The following ERC2 variants were observed in gnomAD, a reference collection of about 807,000 sequenced individuals.
ERC2 encodes the protein ELKS/RAB6-interacting/CAST family member 2.
Under a neutral mutation model 114.8 loss-of-function variants are expected in ERC2, and 42 were observed. That is an observed-to-expected ratio of 0.37 (90% CI 0.29 to 0.47). The LOEUF (loss-of-function observed/expected upper bound fraction) is 0.47. Ranked by LOEUF, ERC2 falls within the 20% of genes least tolerant of loss-of-function variation. The probability of loss-of-function intolerance (pLI) is 0.99; values close to 1 mark genes in which losing one functional copy is unlikely to be tolerated. For synonymous variants in ERC2, 454 were observed against 425.5 expected, an observed-to-expected ratio of 1.07 and a Z score of -0.82; for missense variants, 939 against 1,150.7, an observed-to-expected ratio of 0.82 and a Z score of 2.66.
intron 15 of ERC2, among the ~76,000 whole-genome samples, chr3:55,724,653 CTG>C (rs1473706210): frequency 6.6e-6 from 1 of 152,294 alleles, no homozygotes; most frequent in African/African-American, 2.4e-5. Flanking sequence ...AGCTCAAAAA[CTG>C]TTGGTTCCTC....
chr3:56,150,895 A>G (rs987921034), intron 4 of ERC2, among the ~76,000 whole-genome samples: 1 of 152,104 alleles, frequency 6.6e-6, no homozygotes, highest in Non-Finnish European at 1.5e-5. Context: ...AGATGAGGCT[A>G]GGAGAGTAGG....
chr3:56,287,162 C>T (rs2054776386), intron 3 of ERC2, among the ~76,000 whole-genome samples: 1 of 152,130 alleles, frequency 6.6e-6, no homozygotes, highest in Admixed American at 6.5e-5. Flanking sequence ...CAATGAAATG[C>T]ACATGTCTTA....
chr3:56,207,291 A>ACC (rs895639996), intron 3 of ERC2, among the ~76,000 whole-genome samples: 3 of 152,188 alleles, frequency 2.0e-5, no homozygotes, highest in Non-Finnish European at 4.4e-5. Flanking sequence ...AATTAAAAAA[A>ACC]CACACAATAG....
At chr3:56,167,085 T>C (rs953103050) in intron 4 of ERC2, among the ~76,000 whole-genome samples, 2 of 152,126 alleles carry the variant, frequency 1.3e-5, no homozygotes, top group Non-Finnish European at 1.5e-5. Flanking sequence ...CATATTCCCC[T>C]TTACCAAAAT....
intron 3 of ERC2, among the ~76,000 whole-genome samples, chr3:56,179,499 A>C (rs1216508650): frequency 2.0e-5 from 3 of 152,204 alleles, no homozygotes; most frequent in African/African-American, 7.2e-5. Context: ...GGACAGACCC[A>C]TCAGAGCTAG....
intron 16 of ERC2, among the ~76,000 whole-genome samples, chr3:55,694,641 C>T (rs2062837029): frequency 6.6e-6 from 1 of 152,216 alleles, no homozygotes. Context: ...GAAGAGTTTT[C>T]TCTTGGGCTT....
chr3:56,074,778 G>C (rs894928656), intron 7 of ERC2, among the ~76,000 whole-genome samples: 13 of 152,150 alleles, frequency 8.5e-5, no homozygotes. Context: ...AGCCTACACA[G>C]AACATACCGT....
At chr3:55,619,759 C>G (rs1179538082) in intron 17 of ERC2, among the ~76,000 whole-genome samples, 3 of 152,132 alleles carry the variant, frequency 2.0e-5, no homozygotes, top group African/African-American at 7.2e-5. Context: ...TAAAAGTGTT[C>G]CTACATTGCT....
At chr3:56,357,954 C>A (rs924688306) in intron 2 of ERC2, among the ~76,000 whole-genome samples, 2 of 151,660 alleles carry the variant, frequency 1.3e-5, no homozygotes, top group African/African-American at 4.8e-5. Flanking sequence ...ATAATGTTTC[C>A]TTTTCCACCA....
At chr3:56,049,209 G>A (rs1379709446) in intron 7 of ERC2, among the ~76,000 whole-genome samples, 1 of 152,170 alleles carries the variant, frequency 6.6e-6, no homozygotes, top group Non-Finnish European at 1.5e-5. Flanking sequence ...ACAAAGATGA[G>A]GCTGGCTGCT....
At chr3:56,375,026 G>C (rs944293901) in intron 2 of ERC2, among the ~76,000 whole-genome samples, 1 of 152,164 alleles carries the variant, frequency 6.6e-6, no homozygotes, top group African/African-American at 2.4e-5. Context: ...ATGGATGAGA[G>C]CAGCCATCCC....
intron 6 of ERC2, among the ~76,000 whole-genome samples, chr3:56,081,884 C>T (rs2077251778): frequency 1.3e-5 from 2 of 152,024 alleles, no homozygotes. Flanking sequence ...TATACAACAC[C>T]ATATTTGCAA....
intron 2 of ERC2, among the ~76,000 whole-genome samples, chr3:56,299,416 C>T (rs1262390812): frequency 1.3e-5 from 2 of 149,464 alleles, no homozygotes; most frequent in Admixed American, 1.3e-4. Context: ...GCGTGAGCCA[C>T]CACGCCCAGC....
chr3:55,571,074 G>A (rs945850778), intron 17 of ERC2, among the ~76,000 whole-genome samples: 6 of 138,794 alleles, frequency 4.3e-5, no homozygotes, highest in Non-Finnish European at 9.3e-5. Context: ...GTTGCAGTAA[G>A]CCGAGATTGT....
At chr3:56,371,508 T>C (rs555825285) in intron 2 of ERC2, among the ~76,000 whole-genome samples, 18 of 152,368 alleles carry the variant, frequency 1.2e-4, no homozygotes, top group Middle Eastern at 3.4e-3. Flanking sequence ...TCTGAATCAA[T>C]AACCTCTGTT....
At chr3:55,525,660 G>A (rs1329212211) in intron 17 of ERC2, among the ~76,000 whole-genome samples, 2 of 152,194 alleles carry the variant, frequency 1.3e-5, no homozygotes, top group South Asian at 2.1e-4. Context: ...GGAATGGGAA[G>A]GGGGGAGTAG....
At chr3:55,951,910 AC>A (rs1380893831) in intron 12 of ERC2, among the ~76,000 whole-genome samples, 2 of 151,578 alleles carry the variant, frequency 1.3e-5, no homozygotes, top group Admixed American at 6.6e-5. Flanking sequence ...TAAATTATGT[AC>A]CCCCCTACTC....
At chr3:56,183,897 C>A (rs573340053) in intron 3 of ERC2, among the ~76,000 whole-genome samples, 42 of 152,050 alleles carry the variant, frequency 2.8e-4, no homozygotes, top group East Asian at 2.7e-3. Context: ...ATAAAAATAT[C>A]TTTATATTCT....
At chr3:55,843,041 G>A (rs996045142) in intron 14 of ERC2, among the ~76,000 whole-genome samples, 3 of 152,060 alleles carry the variant, frequency 2.0e-5, no homozygotes, top group African/African-American at 2.4e-5. Flanking sequence ...CTATAATTAC[G>A]GACATTTAGC....
Sources: allele counts gnomAD v4.1 joint callset (sites outside exome capture counted in the v4.1 genomes callset), GRCh38; gene constraint gnomAD v4.1.1; transcripts MANE v1.5; gene names NCBI Gene and HGNC (gene_info 2026-07-23, HGNC 2026-07-21).